HOATZ: variants seen among roughly 807,000 people sequenced by gnomAD.
HOATZ encodes the protein cilia- and flagella-associated protein HOATZ.
Under a neutral mutation model 24.9 loss-of-function variants are expected in HOATZ, and 26 were observed. The ratio of observed to expected loss-of-function variants is 1.04; its 90% CI spans 0.76 to 1.45. HOATZ has a LOEUF of 1.45. Ranked by LOEUF, HOATZ falls within the 40% of genes most tolerant of loss-of-function variation. The pLI is 0.00. For synonymous variants in HOATZ, 83 were observed against 76.6 expected, an observed-to-expected ratio of 1.08 and a Z score of -0.43; for missense variants, 226 against 201.5, an observed-to-expected ratio of 1.12 and a Z score of -0.74.
chr11:111,515,013 GAGT>G lies in HOATZ; in HGVS notation c.226+6_226+8del. ...GCCCAGGAGGAGCAGAGGGTCTGGT[GAGT>G]AGAATAGCGGCCTCCTGTCAGTCAT... On this transcript the variant is annotated splice_donor_5th_base_variant and intron_variant, in intron 1 of 5. Coordinates refer to ENST00000375618, the MANE Select transcript of HOATZ (RefSeq NM_001100388.2). 6.2e-7 allele frequency: 1 copy of G among 1,607,974 alleles called. No individual in the cohort carries two copies. Among genetic ancestry groups the G allele is most frequent in the Non-Finnish European group, 8.5e-7 (1 of 1,176,382 alleles).
Position 111,516,048 on chromosome 11 carries a change from G to A in HOATZ, c.277G>A (p.Asp93Asn). 6.3e-7 allele frequency: 1 copy of A among 1,581,664 alleles called. No homozygotes were observed. Among genetic ancestry groups the A allele is most frequent in the Non-Finnish European group, 8.6e-7 (1 of 1,159,402 alleles). Reference protein sequence around the residue: ...SFHLASNKNRDIFAEALKIQE... With the variant: ...SFHLASNKNRNIFAEALKIQE... The stretch of plus-strand genomic sequence containing the variant: ...GACTTTATTCCCTCTAGAAAATAGA[G>A]ACATCTTTGCCGAAGCCCTAAAGAT... The change falls in exon 3 of 6, where the codon GAC becomes AAC. Residue 93 changes from aspartate (D) to asparagine (N), a missense_variant. Physicochemically the swap from Asp to Asn is conservative, Grantham distance 23. Coordinates refer to ENST00000375618, the MANE Select transcript of HOATZ (RefSeq NM_001100388.2).
chr11:111,520,699 T>C (rs1867258961), intron 3 of HOATZ, among the ~76,000 whole-genome samples: 1 of 152,216 alleles, frequency 6.6e-6, no homozygotes, highest in Non-Finnish European at 1.5e-5. Flanking sequence ...TTGAAATAAA[T>C]AATTCACAAG....
Position 111,536,767 on chromosome 11 carries a change from C to A in HOATZ, c.453-3C>A, listed in dbSNP as rs754112966. 2.2e-5 allele frequency: 35 copies of A among 1,611,316 alleles called. No homozygotes were observed. The highest frequency in any genetic ancestry group is 2.7e-5 in the Non-Finnish European group (32 of 1,177,604). On this transcript the variant is annotated splice_region_variant and splice_polypyrimidine_tract_variant and intron_variant, in intron 5 of 5. Transcript: ENST00000375618. The stretch of plus-strand genomic sequence containing the variant: ...TGGAACTGACTGATATTACTACCAA[C>A]AGGAAAGTGGTATCAGAGTCAGATA...
chr11:111,523,618 C>G (rs1867296831), intron 3 of HOATZ, among the ~76,000 whole-genome samples: 1 of 152,218 alleles, frequency 6.6e-6, no homozygotes, highest in Non-Finnish European at 1.5e-5. Flanking sequence ...CTTTCACTAT[C>G]TGCCTTCTGC....
At chr11:111,532,234 CTG>C (rs1296885066) in intron 3 of HOATZ, among the ~76,000 whole-genome samples, 1 of 152,166 alleles carries the variant, frequency 6.6e-6, no homozygotes, top group Non-Finnish European at 1.5e-5. Flanking sequence ...CAGGCAGAAA[CTG>C]TGTTATGTTC....
intron 3 of HOATZ, among the ~76,000 whole-genome samples, chr11:111,519,622 T>C (rs1402315320): frequency 6.6e-6 from 1 of 152,196 alleles, no homozygotes; most frequent in Non-Finnish European, 1.5e-5. Flanking sequence ...GCCACCACCA[T>C]TCTAGAATTT....
chr11:111,522,494 C>T (rs188729574), intron 3 of HOATZ, among the ~76,000 whole-genome samples: 3 of 152,280 alleles, frequency 2.0e-5, no homozygotes, highest in Non-Finnish European at 4.4e-5. Context: ...AAGATGAAAA[C>T]GTTCTTAGGC....
At chr11:111,524,548 G>A (rs896609873) in intron 3 of HOATZ, among the ~76,000 whole-genome samples, 1 of 152,096 alleles carries the variant, frequency 6.6e-6, no homozygotes, top group Non-Finnish European at 1.5e-5. Context: ...ATAATATTCC[G>A]TATACTAGAA....
chr11:111,525,716 A>C (rs1867332141), intron 3 of HOATZ, among the ~76,000 whole-genome samples: 1 of 152,244 alleles, frequency 6.6e-6, no homozygotes, highest in Non-Finnish European at 1.5e-5. Context: ...GAATTGTGCA[A>C]GATTCATTCA....
At chr11:111,521,400 G>A (rs928771794) in intron 3 of HOATZ, among the ~76,000 whole-genome samples, 1 of 152,156 alleles carries the variant, frequency 6.6e-6, no homozygotes, top group Non-Finnish European at 1.5e-5. Flanking sequence ...AAGCAAAAAT[G>A]TAGGGAATTT....
intron 5 of HOATZ, 168 bp downstream of exon 5, chr11:111,534,632 C>T: frequency 1.6e-6 from 1 of 629,466 alleles, no homozygotes; most frequent in Non-Finnish European, 2.9e-6. Context: ...GCTATTAAAG[C>T]CTGTGTACGA....
At chr11:111,520,037 G>C (rs503905) in intron 3 of HOATZ, among the ~76,000 whole-genome samples, 78,333 of 151,978 alleles carry the variant, frequency 0.52, 23,012 homozygotes, top group East Asian at 0.73. Flanking sequence ...TTCTGTGATG[G>C]ATATCCATGG....
chr11:111,534,512 T>G (rs941059893), intron 5 of HOATZ, 48 bp downstream of exon 5: 9 of 1,381,272 alleles, frequency 6.5e-6, no homozygotes, highest in Non-Finnish European at 9.2e-6. Flanking sequence ...CAACTTACTG[T>G]GTAGGGAAGC....
chr11:111,533,929 C>G, intron 4 of HOATZ, 124 bp downstream of exon 4: 1 of 619,012 alleles, frequency 1.6e-6, no homozygotes, highest in Non-Finnish European at 2.6e-6. Flanking sequence ...CATTGATATA[C>G]CAGAGTGGGG....
At chr11:111,529,569 G>A (rs1565251965) in intron 3 of HOATZ, among the ~76,000 whole-genome samples, 1 of 151,812 alleles carries the variant, frequency 6.6e-6, no homozygotes, top group Non-Finnish European at 1.5e-5. Flanking sequence ...TCACCATATT[G>A]GCCAGGATGG....
At chr11:111,516,420 C>T (rs960821863) in intron 3 of HOATZ, among the ~76,000 whole-genome samples, 2 of 151,918 alleles carry the variant, frequency 1.3e-5, no homozygotes, top group Non-Finnish European at 2.9e-5. Flanking sequence ...ACAGAAATAG[C>T]ATAAGAGGCC....
At chr11:111,515,075 G>C in intron 1 of HOATZ, 65 bp downstream of exon 1, 5 of 1,170,280 alleles carry the variant, frequency 4.3e-6, no homozygotes, top group Non-Finnish European at 6.3e-6. Flanking sequence ...GCAGGTACCA[G>C]AGCCCTTTCC....
intron 3 of HOATZ, among the ~76,000 whole-genome samples, chr11:111,517,430 T>C (rs1465303953): frequency 6.6e-6 from 1 of 152,222 alleles, no homozygotes; most frequent in Non-Finnish European, 1.5e-5. Flanking sequence ...GACAATATGA[T>C]GTGAATTACC....
chr11:111,525,240 A>C (rs1867324792), intron 3 of HOATZ, among the ~76,000 whole-genome samples: 1 of 152,294 alleles, frequency 6.6e-6, no homozygotes, highest in East Asian at 1.9e-4. Context: ...AAAACCCTAT[A>C]AGTTATTTAG....
Sources: allele counts gnomAD v4.1 joint callset (sites outside exome capture counted in the v4.1 genomes callset), GRCh38; gene constraint gnomAD v4.1.1; transcripts MANE v1.5; gene names NCBI Gene and HGNC (gene_info 2026-07-23, HGNC 2026-07-21).